Variants in FAM149B1 observed in about 807,000 individuals in gnomAD.
The protein encoded by FAM149B1 is family with sequence similarity 149 member B1, also known as primary cilium assembly protein FAM149B1.
Under a neutral mutation model 75.3 loss-of-function variants are expected in FAM149B1, and 56 were observed. That is an observed-to-expected ratio of 0.74 (90% CI 0.60 to 0.93). The LOEUF (loss-of-function observed/expected upper bound fraction) is 0.93. Among genes scored for constraint, FAM149B1 ranks in the 40% least tolerant of loss-of-function variants. The probability of loss-of-function intolerance (pLI) is 0.00; values close to 1 mark genes in which losing one functional copy is unlikely to be tolerated. For missense variants in FAM149B1, 639 were observed against 708.4 expected (o/e 0.90, Z 1.11); for synonymous variants, 259 against 256.1 (o/e 1.01, Z -0.11).
At chr10:73,240,879 G>A in intron 13 of FAM149B1, 67 bp from the exon 14 acceptor site, 3 of 933,280 alleles carry the variant, frequency 3.2e-6, no homozygotes, top group Non-Finnish European at 5.1e-6. Flanking sequence ...AAAGCCCTTA[G>A]CTATAAACTT....
At chr10:73,191,393 A>G (rs555163568) in intron 3 of FAM149B1, among the ~76,000 whole-genome samples, 23 of 149,422 alleles carry the variant, frequency 1.5e-4, no homozygotes, top group Non-Finnish European at 3.3e-4. Flanking sequence ...CAGGAGTGCA[A>G]TAGCACAATC....
At chr10:73,185,561 CA>C (rs1564684485) in intron 3 of FAM149B1, among the ~76,000 whole-genome samples, 1 of 152,090 alleles carries the variant, frequency 6.6e-6, no homozygotes, top group Non-Finnish European at 1.5e-5. Context: ...TAAACAAATA[CA>C]AAATCTTCCC....
chr10:73,181,836 G>A (rs2042405095), intron 3 of FAM149B1, among the ~76,000 whole-genome samples: 1 of 152,114 alleles, frequency 6.6e-6, no homozygotes, highest in African/African-American at 2.4e-5. Flanking sequence ...CTGAAAGTTG[G>A]GTGTTGAAGT....
chr10:73,193,579 A>C lies in FAM149B1; in HGVS notation c.528A>C (p.Glu176Asp). 1 of 1,550,906 alleles carries C rather than the reference A, an allele frequency of 6.4e-7. No homozygotes were observed. Among genetic ancestry groups the C allele is most frequent in the Non-Finnish European group, 8.7e-7 (1 of 1,146,674 alleles). Residue 176 changes from glutamate to aspartate, a missense_variant, in exon 5 of 14, where the codon GAA becomes GAC. By Grantham distance (45) the Glu-to-Asp change is conservative. Transcript: ENST00000242505. ...CATATGAAACAACCTTGTCTCAAGAAAGAGATTCTACTATGTGAGTATTCC... is the reference window on the plus strand; with the variant it reads ...CATATGAAACAACCTTGTCTCAAGACAGAGATTCTACTATGTGAGTATTCC... ...SASYETTLSQ[E>D]RDSTIFGIRG...
chr10:73,213,000 G>A (rs570107103), intron 7 of FAM149B1, among the ~76,000 whole-genome samples: 4 of 152,142 alleles, frequency 2.6e-5, no homozygotes, highest in East Asian at 1.9e-4. Flanking sequence ...GCACCACCAC[G>A]ACTGGCTAAT....
At chr10:73,184,317 T>A (rs529342712) in intron 3 of FAM149B1, among the ~76,000 whole-genome samples, 1 of 152,192 alleles carries the variant, frequency 6.6e-6, no homozygotes, top group Non-Finnish European at 1.5e-5. Flanking sequence ...AATAACCAAG[T>A]CTTAAAGTTG....
At position 73,240,804 on chromosome 10, in the gene FAM149B1, C is replaced by T. The variant is rs16930440; in HGVS notation, c.1676-142C>T. 6.9e-3 allele frequency: 4,027 copies of T among 581,858 alleles called. 75 individuals carry two copies. Among genetic ancestry groups the T allele is most frequent in the East Asian group, 0.045 (1,418 of 31,790 alleles). 36.0% of individuals were successfully genotyped at this position (581,858 alleles called of 1,614,324 possible). ...ATCTTGCTTCTTTTTAATTAGTGGG[C>T]TCTTCTACAAAACTAGTTTACTGCT... On this transcript the variant is annotated intron_variant, in intron 13 of 13. Coordinates refer to ENST00000242505, the MANE Select transcript of FAM149B1 (RefSeq NM_173348.2).
intron 6 of FAM149B1, 57 bp downstream of exon 6, chr10:73,208,843 T>C (rs2043125475): frequency 9.0e-7 from 1 of 1,117,070 alleles, no homozygotes; most frequent in East Asian, 2.9e-5. Flanking sequence ...TATTAATACC[T>C]ATTTTTTCTA....
At chr10:73,182,216 T>A (rs1485321729) in intron 3 of FAM149B1, among the ~76,000 whole-genome samples, 2 of 149,720 alleles carry the variant, frequency 1.3e-5, no homozygotes, top group East Asian at 3.9e-4. Context: ...TGTGTCTTTT[T>A]TTTTTTTTTT....
chr10:73,174,871 C>A, intron 2 of FAM149B1, 80 bp downstream of exon 2: 1 of 936,182 alleles, frequency 1.1e-6, no homozygotes. Flanking sequence ...AGATTGGTGT[C>A]AAGCCTTGTG....
chr10:73,232,337 T>C (rs2043726117), intron 9 of FAM149B1, among the ~76,000 whole-genome samples: 2 of 152,194 alleles, frequency 1.3e-5, no homozygotes, highest in African/African-American at 4.8e-5. Flanking sequence ...CAGTTATTTA[T>C]GCAAATAGGG....
Position 73,174,708 on chromosome 10 carries a change from T to G in FAM149B1, c.69T>G (p.Ala23=). The change falls in exon 2 of 14, where the codon GCT becomes GCG. Residue 23 remains alanine, a synonymous_variant. Transcript: ENST00000242505. ...ACAGGAAAGGAATAACAAAACATGC[T>G]CTTAACCATCATCCCCCTCCAGAGA... The part of the protein sequence containing the change: ...SLELKGITKH[A]LNHHPPPEKL... The G allele has an allele frequency of 6.4e-7, 1 of 1,551,012 alleles. No individual in the cohort carries two copies. Among genetic ancestry groups the G allele is most frequent in the South Asian group, 1.2e-5 (1 of 84,046 alleles).
rs2133368134 is a variant in FAM149B1, at chr10:73,210,370, G to A, written c.830G>A (p.Ser277Asn). The change falls in exon 7 of 14, where the codon AGT (serine) becomes AAT (asparagine). Residue 277 changes from serine to asparagine, a missense_variant. Coordinates refer to ENST00000242505, the MANE Select transcript of FAM149B1 (RefSeq NM_173348.2). ...KEDVLAYVFDSVWCKVVSCME... is the reference protein window; with the variant it reads ...KEDVLAYVFDNVWCKVVSCME... ...GATGTCCTTGCTTATGTGTTTGACA[G>A]TGTATGGTGCAAGGTTGTGAGCTGT... The A allele has an allele frequency of 1.3e-6, 2 of 1,551,628 alleles. No homozygotes were observed. The highest frequency in any genetic ancestry group is 1.4e-5 in the African/African-American group (1 of 73,172).
chr10:73,200,912 T>C, intron 5 of FAM149B1: 1 of 476,628 alleles, frequency 2.1e-6, no homozygotes, highest in Non-Finnish European at 4.2e-6. Context: ...GTTTTTGCTC[T>C]GCATGGCGAC....
chr10:73,203,443 T>C (rs540352933), intron 5 of FAM149B1, among the ~76,000 whole-genome samples: 2 of 152,328 alleles, frequency 1.3e-5, no homozygotes, highest in East Asian at 1.9e-4. Context: ...ATATGGTTTT[T>C]ATGAAATTAT....
intron 3 of FAM149B1, among the ~76,000 whole-genome samples, chr10:73,180,817 T>C (rs977323883): frequency 1.3e-5 from 2 of 152,182 alleles, no homozygotes; most frequent in Admixed American, 6.5e-5. Context: ...TTGACTATAC[T>C]CACCCTTTGT....
intron 3 of FAM149B1, among the ~76,000 whole-genome samples, chr10:73,188,330 A>G (rs989362294): frequency 1.3e-5 from 2 of 152,218 alleles, no homozygotes; most frequent in South Asian, 2.1e-4. Context: ...AATGAATTAT[A>G]AACTTAAATA....
chr10:73,238,290 T>A (rs2043867784), intron 12 of FAM149B1, among the ~76,000 whole-genome samples: 2 of 152,290 alleles, frequency 1.3e-5, no homozygotes, highest in South Asian at 4.1e-4. Flanking sequence ...GAGGTTGCAG[T>A]GAGCCGAGAT....
intron 5 of FAM149B1, among the ~76,000 whole-genome samples, chr10:73,205,694 C>T (rs564767602): frequency 6.6e-6 from 1 of 152,084 alleles, no homozygotes; most frequent in Admixed American, 6.6e-5. Flanking sequence ...GCTGGGACTA[C>T]AGGTGTGCAC....
Sources: allele counts gnomAD v4.1 joint callset (sites outside exome capture counted in the v4.1 genomes callset), GRCh38; gene constraint gnomAD v4.1.1; transcripts MANE v1.5; gene names NCBI Gene and HGNC (gene_info 2026-07-23, HGNC 2026-07-21).